PRPF18: variants seen among roughly 807,000 people sequenced by gnomAD.
The protein encoded by PRPF18 is pre-mRNA-splicing factor 18.
In PRPF18, 38 loss-of-function variants were observed where a neutral mutation model predicts 46.5. The ratio of observed to expected loss-of-function variants is 0.82; its 90% CI spans 0.63 to 1.07. PRPF18 has a LOEUF of 1.07. Ranked by LOEUF, PRPF18 falls within the 50% of genes least tolerant of loss-of-function variation. The pLI, the probability that PRPF18 is intolerant of heterozygous loss-of-function variation, is 0.00. For synonymous variants in PRPF18, 152 were observed against 146.7 expected (o/e 1.04, Z -0.26); for missense variants, 263 against 410.0 (o/e 0.64, Z 3.10).
the PRPF18 span, chr10:13,653,765 C>T: frequency 1.3e-5 from 2 of 152,762 alleles, no homozygotes; most frequent in African/African-American, 2.4e-5. Flanking sequence ...AGGCGGGTTA[C>T]CTGTGTCTGC....
Position 13,627,683 on chromosome 10 carries a change from C to T in PRPF18, c.949-2577C>T, listed in dbSNP as rs147983737. On this transcript the variant is annotated intron_variant, in intron 9 of 9. Transcript: ENST00000378572. ...ACTTATGACTAAAACAATTGAGTTTCACAACCCTTGGCAGCTAAGATTTCA... is the reference window on the plus strand; with the variant it reads ...ACTTATGACTAAAACAATTGAGTTTTACAACCCTTGGCAGCTAAGATTTCA... Among the ~76,000 whole-genome samples the T allele has an allele frequency of 5.1e-4, 77 of 152,310 alleles. No individual in the cohort carries two copies. The South Asian group carries it at 0.012, about 24-fold the overall frequency.
At chr10:13,595,586 C>T (rs1589118742) in intron 1 of PRPF18, among the ~76,000 whole-genome samples, 1 of 152,170 alleles carries the variant, frequency 6.6e-6, no homozygotes, top group Non-Finnish European at 1.5e-5. Context: ...AGTTGCTACT[C>T]ATCATTCTTC....
chr10:13,635,596 G>C (rs1365424737), downstream of PRPF18, among the ~76,000 whole-genome samples: 1 of 152,148 alleles, frequency 6.6e-6, no homozygotes, highest in African/African-American at 2.4e-5. Context: ...ATTCTGACTG[G>C]TGTGGGATGG....
chr10:13,592,716 G>A (rs149142421), intron 1 of PRPF18, among the ~76,000 whole-genome samples: 3 of 152,300 alleles, frequency 2.0e-5, no homozygotes, highest in Non-Finnish European at 2.9e-5. Context: ...GCAAAACCTC[G>A]TGTGGAAAAC....
chr10:13,651,924 T>A, the PRPF18 span: 1 of 1,586,964 alleles, frequency 6.3e-7, no homozygotes, highest in African/African-American at 1.3e-5. Flanking sequence ...AGTACTTTGG[T>A]GAGGTGGAGA....
At chr10:13,638,381 C>T in the PRPF18 span, among the ~76,000 whole-genome samples, 4 of 137,858 alleles carry the variant, frequency 2.9e-5, no homozygotes, top group South Asian at 9.4e-4. Flanking sequence ...TACAGAAAAA[C>T]AGAAGAGATA....
intron 4 of PRPF18, among the ~76,000 whole-genome samples, chr10:13,609,005 C>T (rs916622910): frequency 6.6e-6 from 1 of 152,240 alleles, no homozygotes; most frequent in African/African-American, 2.4e-5. Flanking sequence ...ACTTTTTACA[C>T]AGCAGGTGAT....
the PRPF18 span, among the ~76,000 whole-genome samples, chr10:13,650,703 A>G: frequency 6.6e-6 from 1 of 152,090 alleles, no homozygotes; most frequent in Non-Finnish European, 1.5e-5. Flanking sequence ...ACTTTGCAAT[A>G]TTGTCCTAAC....
intron 9 of PRPF18, among the ~76,000 whole-genome samples, chr10:13,617,327 G>A (rs573352560): frequency 6.6e-6 from 1 of 152,328 alleles, no homozygotes; most frequent in Admixed American, 6.5e-5. Context: ...CCATATTCAT[G>A]AAATATCTTT....
intron 2 of PRPF18, among the ~76,000 whole-genome samples, chr10:13,598,292 C>T (rs1011810366): frequency 2.0e-5 from 3 of 152,116 alleles, no homozygotes; most frequent in African/African-American, 7.2e-5. Context: ...CTATATCTAG[C>T]TTAATTTTTA....
chr10:13,652,074 G>A, the PRPF18 span: 7 of 764,882 alleles, frequency 9.2e-6, no homozygotes, highest in African/African-American at 3.4e-5. Context: ...TAATATATCC[G>A]AAAGGCTTGC....
intron 9 of PRPF18, among the ~76,000 whole-genome samples, chr10:13,626,523 T>C (rs903541272): frequency 1.3e-5 from 2 of 152,124 alleles, no homozygotes; most frequent in African/African-American, 4.8e-5. Flanking sequence ...TTGGGGAGGA[T>C]GTGGGAGAAA....
intron 6 of PRPF18, among the ~76,000 whole-genome samples, chr10:13,612,765 A>G (rs1052105063): frequency 6.6e-6 from 1 of 151,552 alleles, no homozygotes; most frequent in African/African-American, 2.4e-5. Flanking sequence ...ATGTACCACC[A>G]TGCCCAGCTA....
the PRPF18 span, chr10:13,654,452 G>T: frequency 6.2e-7 from 1 of 1,609,720 alleles, no homozygotes; most frequent in Non-Finnish European, 8.5e-7. Context: ...GGGGCTGCTT[G>T]GGGGGGTGGC....
At chr10:13,603,391 G>C (rs1284430304) in intron 3 of PRPF18, among the ~76,000 whole-genome samples, 1 of 152,066 alleles carries the variant, frequency 6.6e-6, no homozygotes, top group African/African-American at 2.4e-5. Flanking sequence ...TTCGAAGTCA[G>C]GTAGTTTATT....
chr10:13,634,348 T>G (rs1356614535), downstream of PRPF18, among the ~76,000 whole-genome samples: 1 of 152,214 alleles, frequency 6.6e-6, no homozygotes. Flanking sequence ...GTGTTCAAGC[T>G]TAACACATAA....
chr10:13,654,104 A>G, the PRPF18 span: 1 of 520,084 alleles, frequency 1.9e-6, no homozygotes, highest in South Asian at 3.1e-5. Context: ...GTATAATCCA[A>G]ACCGAAATGA....
At chr10:13,606,377 T>C (rs917295751) in intron 4 of PRPF18, among the ~76,000 whole-genome samples, 2 of 152,248 alleles carry the variant, frequency 1.3e-5, no homozygotes, top group African/African-American at 4.8e-5. Context: ...GGTTTCCTTT[T>C]CATTTTCCAG....
At chr10:13,617,305 G>A (rs1366021657) in intron 9 of PRPF18, among the ~76,000 whole-genome samples, 7 of 152,186 alleles carry the variant, frequency 4.6e-5, no homozygotes, top group Non-Finnish European at 1.0e-4. Flanking sequence ...TTGTGCCAGA[G>A]AACAGTCATT....
Sources: allele counts gnomAD v4.1 joint callset (sites outside exome capture counted in the v4.1 genomes callset), GRCh38; gene constraint gnomAD v4.1.1; transcripts MANE v1.5; gene names NCBI Gene and HGNC (gene_info 2026-07-23, HGNC 2026-07-21).